CUX1: variants seen among roughly 807,000 people sequenced by gnomAD.
CUX1 encodes cut like homeobox 1, also known as protein CASP.
A neutral mutation model predicts 158.8 loss-of-function variants in CUX1; 31 were observed. That is an observed-to-expected ratio of 0.20 (90% CI 0.15 to 0.26). The LOEUF (loss-of-function observed/expected upper bound fraction) is 0.26, where lower values mean the gene tolerates loss of function less well. Ranked by LOEUF, CUX1 falls within the 10% of genes least tolerant of loss-of-function variation. CUX1 has a pLI of 1.00. For missense variants in CUX1, 1,589 were observed against 2,014.6 expected (o/e 0.79, Z 4.04); for synonymous variants, 879 against 862.1 (o/e 1.02, Z -0.34).
chr7:102,244,743 G>T (rs781932050), intron 23 of CUX1, among the ~76,000 whole-genome samples: 3 of 152,104 alleles, frequency 2.0e-5, no homozygotes, highest in Admixed American at 6.5e-5. Context: ...TTGATGACGA[G>T]ATTGCCAGAA....
intron 2 of CUX1, among the ~76,000 whole-genome samples, chr7:101,954,806 C>T (rs1224978550): frequency 1.3e-5 from 2 of 152,176 alleles, no homozygotes; most frequent in Non-Finnish European, 2.9e-5. Flanking sequence ...CGACAAACTC[C>T]ATCTCCTTCC....
intron 10 of CUX1, among the ~76,000 whole-genome samples, chr7:102,176,190 G>A (rs1554511886): frequency 2.0e-5 from 3 of 152,232 alleles, no homozygotes; most frequent in South Asian, 2.1e-4. Flanking sequence ...AAATGGTAAA[G>A]GCCTCATTTT....
chr7:102,214,666 C>G (rs1387333809), intron 20 of CUX1, among the ~76,000 whole-genome samples: 1 of 152,254 alleles, frequency 6.6e-6, no homozygotes, highest in Non-Finnish European at 1.5e-5. Flanking sequence ...CCCCCCGGAG[C>G]CATGCCGACA....
chr7:101,872,294 C>T (rs548455010), intron 1 of CUX1, among the ~76,000 whole-genome samples: 22 of 151,930 alleles, frequency 1.4e-4, no homozygotes, highest in Middle Eastern at 6.8e-3. Context: ...TCACCACGCC[C>T]GGCTAATTTT....
chr7:102,007,206 A>T (rs1817490533), intron 2 of CUX1, among the ~76,000 whole-genome samples: 1 of 152,132 alleles, frequency 6.6e-6, no homozygotes, highest in African/African-American at 2.4e-5. Context: ...CAGGGGCGCG[A>T]TCCTGGCTCA....
chr7:101,855,544 C>T (rs1391418437), intron 1 of CUX1, among the ~76,000 whole-genome samples: 1 of 152,174 alleles, frequency 6.6e-6, no homozygotes. Flanking sequence ...TGAGTTACAA[C>T]ATTCATTTTG....
chr7:102,121,557 G>T (rs944378760), intron 8 of CUX1, among the ~76,000 whole-genome samples: 2 of 152,164 alleles, frequency 1.3e-5, no homozygotes, highest in African/African-American at 4.8e-5. Flanking sequence ...TGTTGGCCAG[G>T]CTGGTCTCGA....
chr7:102,172,866 G>T (rs1300503243), intron 10 of CUX1, among the ~76,000 whole-genome samples: 1 of 152,048 alleles, frequency 6.6e-6, no homozygotes, highest in African/African-American at 2.4e-5. Context: ...GTTTGAGACC[G>T]GCCAGGGCAA....
At chr7:102,056,876 A>G (rs1282735316) in intron 3 of CUX1, among the ~76,000 whole-genome samples, 2 of 140,536 alleles carry the variant, frequency 1.4e-5, no homozygotes, top group Non-Finnish European at 1.5e-5. Flanking sequence ...GCTGATAAAA[A>G]GATTTTTTGT....
chr7:101,941,399 G>T (rs1000703269), intron 2 of CUX1, among the ~76,000 whole-genome samples: 1 of 152,226 alleles, frequency 6.6e-6, no homozygotes, highest in Non-Finnish European at 1.5e-5. Context: ...GCGGTAGCTG[G>T]ATTGTCTCTG....
At chr7:102,072,312 G>T (rs1306969682) in intron 4 of CUX1, among the ~76,000 whole-genome samples, 2 of 152,184 alleles carry the variant, frequency 1.3e-5, no homozygotes, top group African/African-American at 4.8e-5. Context: ...CCCTCATTCA[G>T]TCTGATCAGT....
intron 10 of CUX1, among the ~76,000 whole-genome samples, chr7:102,173,070 A>G (rs781843528): frequency 6.6e-6 from 1 of 152,062 alleles, no homozygotes; most frequent in Non-Finnish European, 1.5e-5. Flanking sequence ...CCAAAAAAGT[A>G]AATATGAGAC....
At chr7:101,864,274 C>T (rs1007226578) in intron 1 of CUX1, among the ~76,000 whole-genome samples, 4 of 151,826 alleles carry the variant, frequency 2.6e-5, no homozygotes, top group African/African-American at 9.7e-5. Context: ...AATCCATCCA[C>T]CTCAGCCTCC....
At chr7:102,262,186 G>A (rs950495384), downstream of CUX1, among the ~76,000 whole-genome samples, 3 of 152,110 alleles carry the variant, frequency 2.0e-5, no homozygotes, top group African/African-American at 4.8e-5. Context: ...GGTGGATCAC[G>A]AGTTCAAGAG....
rs370793882 is a variant in CUX1, at chr7:102,240,844, G to A, written c.3887+1260G>A. ...TTTTGTTGTTGTTGTTGTTTGAGAC[G>A]GAGCCTTGCTCTGTCGCCCAGGTTG... On this transcript the variant is annotated intron_variant, in intron 23 of 23. Transcript: ENST00000292535. Among the ~76,000 whole-genome samples the A allele has an allele frequency of 5.9e-5, 9 of 152,016 alleles. No individual in the cohort carries two copies. The East Asian group carries it at 1.6e-3, about 26-fold the overall frequency.
Position 102,070,348 on chromosome 7 carries a change from C to T in CUX1, c.199C>T (p.Leu67=). 6.2e-7 allele frequency: 1 copy of T among 1,608,482 alleles called. No homozygotes were observed. The highest frequency in any genetic ancestry group is 8.5e-7 in the Non-Finnish European group (1 of 1,178,744). ...LKSFQGEIDA[L]SKRSKEAEAA... is the part of the protein sequence containing the mutation. ...TTTCCTTCCCTTTCAGATTGATGCA[C>T]TGAGTAAAAGAAGCAAGGAAGCTGA... The change falls in exon 4 of 24, where the codon CTG becomes TTG. Residue 67 remains leucine (L), a synonymous_variant. Coordinates refer to ENST00000292535, the MANE Select transcript of CUX1 (RefSeq NM_181552.4).
chr7:102,116,169 C>T (rs146388833), intron 8 of CUX1, among the ~76,000 whole-genome samples: 1 of 152,210 alleles, frequency 6.6e-6, no homozygotes, highest in African/African-American at 2.4e-5. Context: ...TATGGGGTGC[C>T]GGCACTTACT....
At position 102,051,374 on chromosome 7, in the gene CUX1, G is replaced by A. The variant is rs568563531; in HGVS notation, c.190-18965G>A. ...GAAAAAAAAAAAAATAGGGCCGGGC[G>A]CAGTGGCTCATGCCTGTAATCCCAA... On this transcript the variant is annotated intron_variant, in intron 3 of 23. Transcript: ENST00000292535. 5.3e-5 allele frequency among the ~76,000 whole-genome samples: 8 copies of A among 151,808 alleles called. No homozygotes were observed. The South Asian group carries it at 6.2e-4, about 12-fold the overall frequency.
At position 102,174,268 on chromosome 7, in the gene CUX1, G is replaced by A. The variant is rs145425166; in HGVS notation, c.828+3718G>A. On this transcript the variant is annotated intron_variant, in intron 10 of 23. Transcript: ENST00000292535. ...TGAATAGCTGGGATTACAGGTGTGC[G>A]CCACCATACCTGGCTAGTTTTTGTA... Among the ~76,000 whole-genome samples the A allele has an allele frequency of 3.8e-4, 58 of 152,216 alleles. No homozygotes were observed. The East Asian group carries it at 8.9e-3, about 23-fold the overall frequency.
Sources: allele counts gnomAD v4.1 joint callset (sites outside exome capture counted in the v4.1 genomes callset), GRCh38; gene constraint gnomAD v4.1.1; transcripts MANE v1.5; gene names NCBI Gene and HGNC (gene_info 2026-07-23, HGNC 2026-07-21).